The following ATXN2L variants were observed in gnomAD, a reference collection of about 807,000 sequenced individuals.
ATXN2L encodes ataxin-2-like protein.
Under a neutral mutation model 120.7 loss-of-function variants are expected in ATXN2L, and 24 were observed. The observed-to-expected ratio is 0.20, with a 90% CI of 0.14 to 0.28. The LOEUF is 0.28. Ranked by LOEUF, ATXN2L falls within the 10% of genes least tolerant of loss-of-function variation. The probability of loss-of-function intolerance (pLI) is 1.00; values close to 1 mark genes in which losing one functional copy is unlikely to be tolerated. For missense variants in ATXN2L, 1,312 were observed against 1,432.3 expected, an observed-to-expected ratio of 0.92 and a Z score of 1.36; for synonymous variants, 653 against 568.1, an observed-to-expected ratio of 1.15 and a Z score of -2.13.
In ATXN2L at chr16:28,824,359, T is replaced by TGG. The variant is rs149808056; in HGVS notation, c.299+805_299+806dup. 2.4e-3 allele frequency: 2,953 copies of TGG among 1,224,716 alleles called. 7 individuals are homozygous for TGG. Among genetic ancestry groups the TGG allele is most frequent in the Admixed American group, 5.8e-3 (211 of 36,194 alleles). The allele number at this position is 1,224,716 out of a possible 1,614,324, so 75.9% of individuals were successfully genotyped here. A position where few individuals can be genotyped will look rare whatever the true frequency, so the allele number is the denominator to read the frequency against. ...CGCAGTGGGCTCTGATCGCTGGAGGTGGGGGTTCGGAAAGTCCCGTGGGTT... is the reference window on the plus strand; with the variant it reads ...CGCAGTGGGCTCTGATCGCTGGAGGTGGGGGGGTTCGGAAAGTCCCGTGGGTT... On this transcript the variant is annotated intron_variant, in intron 1 of 21. Coordinates refer to ENST00000336783, the MANE Select transcript of ATXN2L (RefSeq NM_007245.4).
At chr16:28,833,381 G>A in intron 14 of ATXN2L, 27 bp downstream of exon 14, 1 of 1,613,910 alleles carries the variant, frequency 6.2e-7, no homozygotes, top group Non-Finnish European at 8.5e-7. Flanking sequence ...GGGGCTCTGG[G>A]AGGATGGCAG....
rs2054202266 is a variant in ATXN2L at position 28,831,043 on chromosome 16, G to C, written c.1292G>C (p.Gly431Ala). 1 of 1,611,180 alleles carries C rather than the reference G, an allele frequency of 6.2e-7. No homozygotes were observed. Among genetic ancestry groups the C allele is most frequent in the African/African-American group, 1.3e-5 (1 of 74,866 alleles). Reference protein sequence around the residue: ...TLSSPSNRPSGETSVPPPPAV... With the variant: ...TLSSPSNRPSAETSVPPPPAV... ...TCTTCGCCCAGTAATAGGCCTTCTG[G>C]AGAAACTTCTGTTCCACCTCCTCCT... Residue 431 changes from glycine (G) to alanine (A), a missense_variant, in exon 10 of 22, where the codon GGA (glycine) becomes GCA (alanine). Transcript: ENST00000336783.
Position 28,832,755 on chromosome 16 carries a change from T to C in ATXN2L, c.1589-62T>C. On this transcript the variant is annotated intron_variant, in intron 12 of 21. Transcript: ENST00000336783. ...TTCTTGTCCTCTGTTCTTTTGGCACTGTGTAGCCACCTTAGAGAAAGAATG... is the reference window on the plus strand; with the variant it reads ...TTCTTGTCCTCTGTTCTTTTGGCACCGTGTAGCCACCTTAGAGAAAGAATG... 10 of 1,557,908 alleles carry C rather than the reference T, an allele frequency of 6.4e-6. No homozygotes were observed. In the South Asian group the frequency reaches 1.0e-4, roughly 16 times the overall value.
chr16:28,835,475 A>C, intron 20 of ATXN2L, 74 bp from the exon 21 acceptor site: 2 of 1,610,832 alleles, frequency 1.2e-6, no homozygotes, highest in Non-Finnish European at 1.7e-6. Context: ...GCTAGGGGTC[A>C]TTTCTGAGTG....
rs1486615510 is a variant in ATXN2L, at chr16:28,830,951, A to C, written c.1211-11A>C. 9.7e-6 allele frequency: 15 copies of C among 1,549,256 alleles called. No homozygotes were observed. The highest frequency in any genetic ancestry group is 1.2e-5 in the South Asian group (1 of 84,228). On this transcript the variant is annotated splice_polypyrimidine_tract_variant and intron_variant, in intron 9 of 21. Transcript: ENST00000336783. ...ATTTTCTTCTCAAAAAAAAAAAAAA[A>C]AACCAAACAGGCCCTTCCCGCATGT...
rs773877042 is a variant in ATXN2L at position 28,833,260 on chromosome 16, C to A, written c.1861C>A (p.Pro621Thr). ...PLAPSGGTEG[P>T]EQPPPPCPSQ... ...GGCACCATCAGGAGGCACTGAGGGG[C>A]CAGAGCAGCCCCCACCACCTTGTCC... Residue 621 changes from proline to threonine, a missense_variant, in exon 14 of 22, where the codon CCA becomes ACA. Coordinates refer to ENST00000336783, the MANE Select transcript of ATXN2L (RefSeq NM_007245.4). 2 of 1,614,176 alleles carry A rather than the reference C, an allele frequency of 1.2e-6. No homozygotes were observed. The highest frequency in any genetic ancestry group is 8.5e-7 in the Non-Finnish European group (1 of 1,180,036).
At chr16:28,824,519 C>G (rs1335801833) in intron 1 of ATXN2L, 5 of 1,288,032 alleles carry the variant, frequency 3.9e-6, no homozygotes, top group East Asian at 5.6e-5. Context: ...GCAGGGTTAC[C>G]TGGCGATTGG....
chr16:28,831,389 G>A (rs2054359080), intron 10 of ATXN2L, among the ~76,000 whole-genome samples: 1 of 151,906 alleles, frequency 6.6e-6, no homozygotes, highest in African/African-American at 2.4e-5. Context: ...GTACGGTGGC[G>A]CCATCTCAGC....
Position 28,833,750 on chromosome 16 carries a change from C to G in ATXN2L, c.2025+242C>G, listed in dbSNP as rs2055422215. Reference sequence around the variant, plus strand: ...CCCAGTGAGTCTGATGAGGGGTTAACAGGCTTTTCTTTGGTTCTTGGCATT... The same window carrying G: ...CCCAGTGAGTCTGATGAGGGGTTAAGAGGCTTTTCTTTGGTTCTTGGCATT... On this transcript the variant is annotated intron_variant, in intron 15 of 21. Transcript: ENST00000336783. The G allele has an allele frequency of 9.8e-6, 6 of 611,032 alleles. No homozygotes were observed. The East Asian group carries it at 1.7e-4, about 17-fold the overall frequency. The allele number at this position is 611,032 out of a possible 1,614,324, so 37.9% of individuals were successfully genotyped here. A position where few individuals can be genotyped will look rare whatever the true frequency, so the allele number is the denominator to read the frequency against.
intron 4 of ATXN2L, 102 bp downstream of exon 4, chr16:28,825,943 T>C (rs937789631): frequency 2.0e-5 from 24 of 1,181,452 alleles, no homozygotes; most frequent in Non-Finnish European, 2.7e-5. Flanking sequence ...AGTATGCCTT[T>C]AGTTGTTTCT....
Position 28,836,005 on chromosome 16 carries a change from C to T in ATXN2L, c.2968C>T (p.Leu990=). 1.3e-6 allele frequency: 2 copies of T among 1,509,504 alleles called. No homozygotes were observed. Among genetic ancestry groups the T allele is most frequent in the Non-Finnish European group, 1.8e-6 (2 of 1,111,832 alleles). The allele number at this position is 1,509,504 out of a possible 1,614,324, so 93.5% of individuals were successfully genotyped here. Residue 990 remains leucine, a synonymous_variant, in exon 22 of 22, where the codon CTG becomes TTG. Transcript: ENST00000336783. ...PGAPHPPQVM[L]LHPPQSHGGP... ...GGCTCCCCACCCGCCCCAGGTGATGCTGCTGCACCCACCCCAGAGTCATGG... is the reference window on the plus strand; with the variant it reads ...GGCTCCCCACCCGCCCCAGGTGATGTTGCTGCACCCACCCCAGAGTCATGG...
intron 9 of ATXN2L, 33 bp downstream of exon 9, chr16:28,830,823 A>G (rs751125909): frequency 1.3e-6 from 2 of 1,563,726 alleles, no homozygotes; most frequent in Admixed American, 3.9e-5. Flanking sequence ...GGAAGAGGGC[A>G]GGGAAGGGGA....
rs375987163 is a variant in ATXN2L at position 28,835,537 on chromosome 16, C to G, written c.2686-12C>G. 24 of 1,613,030 alleles carry G rather than the reference C, an allele frequency of 1.5e-5. No homozygotes were observed. Among genetic ancestry groups the G allele is most frequent in the Non-Finnish European group, 2.0e-5 (24 of 1,179,808 alleles). ...TGGCCTGTGTGGCACTCAACCTTCC[C>G]CTCCCCAGCAGCATCAGGCGGGGCA... On this transcript the variant is annotated splice_polypyrimidine_tract_variant and intron_variant, in intron 20 of 21. Transcript: ENST00000336783.
At position 28,823,634 on chromosome 16, in the gene ATXN2L, C is replaced by T. The variant is rs547000825; in HGVS notation, c.299+76C>T. The T allele has an allele frequency of 3.1e-5, 38 of 1,236,006 alleles. No homozygotes were observed. The African/African-American group carries it at 3.8e-4, about 12-fold the overall frequency. The allele number at this position is 1,236,006 out of a possible 1,614,324, so 76.6% of individuals were successfully genotyped here. ...GGCTCGGTTCCGGTGGGGCGGACCC[C>T]GACCCGGCACCGTCAGGGGCACCGG... On this transcript the variant is annotated intron_variant, in intron 1 of 21. Transcript: ENST00000336783.
rs769811373 is a variant in ATXN2L at position 28,836,715 on chromosome 16, C to T, written c.*450C>T. The T allele has an allele frequency of 1.2e-6, 2 of 1,613,968 alleles. No individual in the cohort carries two copies. Among genetic ancestry groups the T allele is most frequent in the East Asian group, 2.2e-5 (1 of 44,876 alleles). On this transcript the variant is annotated 3_prime_UTR_variant, in exon 22 of 22. Coordinates refer to ENST00000336783, the MANE Select transcript of ATXN2L (RefSeq NM_007245.4). ...CTAATGCTCCTGCTCTCTTCTCTTT[C>T]CCCTCCAACCAGTTCAATCTCATCC...
In ATXN2L at chr16:28,836,720, CCAA is replaced by C; in HGVS notation, c.*457_*459del. 6.2e-7 allele frequency: 1 copy of C among 1,614,008 alleles called. No individual in the cohort carries two copies. On this transcript the variant is annotated 3_prime_UTR_variant, in exon 22 of 22. Transcript: ENST00000336783. ...GCTCCTGCTCTCTTCTCTTTCCCCT[CCAA>C]CCAGTTCAATCTCATCCCTCCCAGC...
intron 7 of ATXN2L, 34 bp downstream of exon 7, chr16:28,829,526 G>A (rs780906153): frequency 2.1e-6 from 3 of 1,413,352 alleles, no homozygotes; most frequent in South Asian, 2.3e-5. Flanking sequence ...GTGATGTGTT[G>A]GTGATATGGG....
intron 6 of ATXN2L, among the ~76,000 whole-genome samples, chr16:28,828,107 T>G (rs1381737352): frequency 6.6e-6 from 1 of 152,198 alleles, no homozygotes; most frequent in Admixed American, 6.5e-5. Flanking sequence ...TTTTCCTTAA[T>G]CATCTGCATT....
At chr16:28,827,700 C>T (rs1469921468) in intron 6 of ATXN2L, among the ~76,000 whole-genome samples, 2 of 152,170 alleles carry the variant, frequency 1.3e-5, no homozygotes, top group East Asian at 1.9e-4. Context: ...GAGATTGTGC[C>T]ACTGGACTCC....
Sources: allele counts gnomAD v4.1 joint callset (sites outside exome capture counted in the v4.1 genomes callset), GRCh38; gene constraint gnomAD v4.1.1; transcripts MANE v1.5; gene names NCBI Gene and HGNC (gene_info 2026-07-23, HGNC 2026-07-21).